PSME4: variants seen among roughly 807,000 people sequenced by gnomAD.
PSME4 encodes proteasome activator complex subunit 4.
PSME4 carries 89 observed loss-of-function variants against 253.9 expected under a neutral mutation model. That is an observed-to-expected ratio of 0.35 (90% confidence interval 0.30 to 0.42). The LOEUF is 0.42. Ranked by LOEUF, PSME4 falls within the 10% of genes least tolerant of loss-of-function variation. The probability of loss-of-function intolerance (pLI) is 1.00; values close to 1 mark genes in which losing one functional copy is unlikely to be tolerated. For missense variants in PSME4, 2,014 were observed against 2,195.2 expected, an observed-to-expected ratio of 0.92 and a Z score of 1.65; for synonymous variants, 851 against 759.2, an observed-to-expected ratio of 1.12 and a Z score of -1.99.
intron 14 of PSME4, among the ~76,000 whole-genome samples, chr2:53,925,219 A>G (rs1349785012): frequency 6.6e-6 from 1 of 152,236 alleles, no homozygotes; most frequent in Admixed American, 6.5e-5. Flanking sequence ...ACAGTTGTTT[A>G]AGTGGAGCTG....
Position 53,940,005 on chromosome 2 carries a change from G to T in PSME4, c.501-5C>A, listed in dbSNP as rs367842746. ...TTGAGAATATTTTCTACAGAACTGG[G>T]GGGGGAAAGCCATTTGATAATTAGA... On this transcript the variant is annotated splice_region_variant and splice_polypyrimidine_tract_variant and intron_variant, in intron 3 of 46. Transcript: ENST00000404125. 1.2e-5 allele frequency: 19 copies of T among 1,571,332 alleles called. No homozygotes were observed. The highest frequency in any genetic ancestry group is 3.4e-4 in the Middle Eastern group (2 of 5,904).
chr2:53,950,161 A>C (rs2104477342), intron 1 of PSME4, among the ~76,000 whole-genome samples: 1 of 152,178 alleles, frequency 6.6e-6, no homozygotes, highest in African/African-American at 2.4e-5. Flanking sequence ...CTGTGGTCCC[A>C]GTTACTCGGG....
intron 27 of PSME4, among the ~76,000 whole-genome samples, chr2:53,903,565 A>G (rs1044985791): frequency 6.6e-6 from 1 of 152,068 alleles, no homozygotes; most frequent in African/African-American, 2.4e-5. Context: ...ACCACTGCTC[A>G]AACTTACCAT....
rs1394105162 is a variant in PSME4 at position 53,970,764 on chromosome 2, C to G, written c.21G>C (p.Ala7=). Residue 7 remains alanine, a synonymous_variant, in exon 1 of 47, where the codon GCG becomes GCC. Coordinates refer to ENST00000404125, the MANE Select transcript of PSME4 (RefSeq NM_014614.3). MEPAER[A]GVGEPPEPGG... ...CCGGCTCCGGGGGCTCTCCGACTCC[C>G]GCCCGCTCGGCCGGCTCCATGAGCC... The G allele has an allele frequency of 6.5e-7, 1 of 1,543,554 alleles. No homozygotes were observed. Among genetic ancestry groups the G allele is most frequent in the East Asian group, 2.5e-5 (1 of 40,692 alleles).
chr2:53,920,408 C>A, intron 18 of PSME4, 58 bp from the exon 19 acceptor site: 1 of 1,456,144 alleles, frequency 6.9e-7, no homozygotes, highest in Non-Finnish European at 9.2e-7. Context: ...CAACAACAAA[C>A]CCACATACAT....
intron 41 of PSME4, among the ~76,000 whole-genome samples, chr2:53,878,930 C>T (rs1679256342): frequency 6.6e-6 from 1 of 152,154 alleles, no homozygotes; most frequent in Non-Finnish European, 1.5e-5. Flanking sequence ...GTGACCCACA[C>T]CCTATTCATA....
chr2:53,876,501 A>C (rs1679126524), intron 41 of PSME4, among the ~76,000 whole-genome samples: 1 of 152,012 alleles, frequency 6.6e-6, no homozygotes, highest in Non-Finnish European at 1.5e-5. Context: ...ATTGATATTT[A>C]GCTTTGTCTT....
intron 10 of PSME4, among the ~76,000 whole-genome samples, chr2:53,929,174 A>AC (rs1441067154): frequency 6.6e-6 from 1 of 150,730 alleles, no homozygotes; most frequent in East Asian, 2.0e-4. Flanking sequence ...TCAAAAAAAA[A>AC]CCAAAAGAAC....
intron 28 of PSME4, among the ~76,000 whole-genome samples, 174 bp downstream of exon 28, chr2:53,901,176 C>A (rs1680381650): frequency 1.3e-5 from 2 of 152,032 alleles, no homozygotes; most frequent in Middle Eastern, 3.4e-3. Flanking sequence ...CTGTTATGTA[C>A]AATAATGATC....
intron 32 of PSME4, among the ~76,000 whole-genome samples, chr2:53,895,954 G>A (rs1461495326): frequency 6.6e-6 from 1 of 152,132 alleles, no homozygotes; most frequent in Non-Finnish European, 1.5e-5. Flanking sequence ...TTTTGGGGGA[G>A]AGATCAAGTA....
rs1158044940 is a variant in PSME4 at position 53,895,019 on chromosome 2, C to T, written c.3900G>A (p.Glu1300=). The change falls in exon 34 of 47, where the codon GAG becomes GAA. Residue 1300 remains glutamate (E), a synonymous_variant. Transcript: ENST00000404125. The part of the protein sequence containing the change: ...EEQPKLGRSR[E]DMTEAEQIIF... ...ATGGAATGCTTACCTCTGTCATATC[C>T]TCCCTGCTTCTGCCAAGCTTAGGCT... 6.2e-7 allele frequency: 1 copy of T among 1,612,936 alleles called. No homozygotes were observed. The highest frequency in any genetic ancestry group is 8.5e-7 in the Non-Finnish European group (1 of 1,179,714).
At chr2:53,895,279 A>G (rs1465890472) in intron 33 of PSME4, among the ~76,000 whole-genome samples, 1 of 152,132 alleles carries the variant, frequency 6.6e-6, no homozygotes, top group Non-Finnish European at 1.5e-5. Context: ...AGGAGAGAAA[A>G]ATATGTATTT....
At chr2:53,963,424 C>T (rs1670580283) in intron 1 of PSME4, among the ~76,000 whole-genome samples, 1 of 152,120 alleles carries the variant, frequency 6.6e-6, no homozygotes, top group African/African-American at 2.4e-5. Flanking sequence ...AACCAGTGCC[C>T]AGCCCACGCA....
chr2:53,928,374 A>G (rs1292399838), intron 10 of PSME4, 71 bp from the exon 11 acceptor site: 3 of 1,205,968 alleles, frequency 2.5e-6, no homozygotes, highest in African/African-American at 3.1e-5. Context: ...CATTAAATAT[A>G]ATAAATTCAT....
chr2:53,874,583 T>G, intron 42 of PSME4, 89 bp from the exon 43 acceptor site: 1 of 1,241,396 alleles, frequency 8.1e-7, no homozygotes, highest in South Asian at 1.3e-5. Flanking sequence ...AACAATGTAA[T>G]ATTCTAATTT....
chr2:53,870,065 G>A (rs1168600356), intron 43 of PSME4: 3 of 152,164 alleles, frequency 2.0e-5, no homozygotes, highest in African/African-American at 7.2e-5. Flanking sequence ...CGTGTACACA[G>A]TCCATTTCAA....
chr2:53,940,190 C>T (rs1462581662), intron 3 of PSME4, among the ~76,000 whole-genome samples, 190 bp from the exon 4 acceptor site: 2 of 152,100 alleles, frequency 1.3e-5, no homozygotes, highest in African/African-American at 4.8e-5. Flanking sequence ...TCTACTCTTT[C>T]CTTTGCCCTC....
chr2:53,957,793 A>AT (rs1227327255), intron 1 of PSME4, among the ~76,000 whole-genome samples: 2 of 152,228 alleles, frequency 1.3e-5, no homozygotes, highest in African/African-American at 4.8e-5. Flanking sequence ...TGATGACAGT[A>AT]TATAGTACCA....
At chr2:53,872,609 G>A (rs1287933102) in intron 43 of PSME4, among the ~76,000 whole-genome samples, 2 of 151,650 alleles carry the variant, frequency 1.3e-5, no homozygotes, top group Non-Finnish European at 2.9e-5. Flanking sequence ...CCGTGTGGTG[G>A]CAAATACCCA....
Sources: gnomAD v4.1 joint callset for allele counts (sites outside exome capture counted in the v4.1 genomes callset) on GRCh38, gnomAD v4.1.1 for gene constraint, MANE v1.5 for transcripts, NCBI Gene and HGNC (gene_info 2026-07-23, HGNC 2026-07-21) for gene names.